Variants in FEM1C observed in about 807,000 individuals in gnomAD.
FEM1C encodes protein fem-1 homolog C.
FEM1C carries 15 observed loss-of-function variants against 37.6 expected under a neutral mutation model. That is an observed-to-expected ratio of 0.40 (90% CI 0.27 to 0.61). The LOEUF (loss-of-function observed/expected upper bound fraction) is 0.61, where lower values mean the gene tolerates loss of function less well. Ranked by LOEUF, FEM1C falls within the 20% of genes least tolerant of loss-of-function variation. FEM1C has a pLI of 0.42. For synonymous variants in FEM1C, 287 were observed against 272.8 expected, an observed-to-expected ratio of 1.05 and a Z score of -0.51; for missense variants, 532 against 749.7, an observed-to-expected ratio of 0.71 and a Z score of 3.39.
chr5:115,531,432 T>C (rs180829616), intron 2 of FEM1C, among the ~76,000 whole-genome samples: 8 of 152,104 alleles, frequency 5.3e-5, no homozygotes, highest in Non-Finnish European at 7.4e-5. Context: ...AAGTTTAATA[T>C]TGGATATTCA....
In FEM1C at chr5:115,522,546, A is replaced by G. The variant is rs1235589477; in HGVS notation, c.*1762T>C. The G allele has an allele frequency of 6.6e-6, 1 of 151,964 alleles. No individual in the cohort carries two copies. The highest frequency in any genetic ancestry group is 1.9e-4 in the East Asian group (1 of 5,190). The allele number at this position is 151,964 out of a possible 1,614,324, so 9.4% of individuals were successfully genotyped here. On this transcript the variant is annotated 3_prime_UTR_variant, in exon 3 of 3. Transcript: ENST00000274457. ...AAAATTAAATCTCAATTATTTAACC[A>G]AAAAGTCTAATGTTCTCTTGTTTAT...
At chr5:115,531,239 A>G (rs923327357) in intron 2 of FEM1C, among the ~76,000 whole-genome samples, 2 of 152,144 alleles carry the variant, frequency 1.3e-5, no homozygotes, top group African/African-American at 4.8e-5. Flanking sequence ...CAAACCTCAT[A>G]ATAGAACTTC....
At chr5:115,535,295 A>C (rs193259356) in intron 2 of FEM1C, among the ~76,000 whole-genome samples, 3 of 151,424 alleles carry the variant, frequency 2.0e-5, no homozygotes, top group East Asian at 3.9e-4. Flanking sequence ...AAAAAAAAAA[A>C]AAACAAACAC....
chr5:115,526,849 C>T (rs116137739), intron 2 of FEM1C, among the ~76,000 whole-genome samples: 1 of 151,984 alleles, frequency 6.6e-6, no homozygotes, highest in Admixed American at 6.6e-5. Flanking sequence ...CTCACTGTAC[C>T]TAAACTGTAT....
At chr5:115,526,147 C>G (rs1753886463) in intron 2 of FEM1C, among the ~76,000 whole-genome samples, 1 of 152,072 alleles carries the variant, frequency 6.6e-6, no homozygotes, top group South Asian at 2.1e-4. Context: ...AGGTGTGAGC[C>G]ACAATGCCTG....
chr5:115,529,290 A>G (rs1490437512), intron 2 of FEM1C, among the ~76,000 whole-genome samples: 1 of 152,102 alleles, frequency 6.6e-6, no homozygotes, highest in Non-Finnish European at 1.5e-5. Flanking sequence ...GAAAAATCTT[A>G]AAACAAGAGA....
chr5:115,524,623 T>C lies in FEM1C; in HGVS notation c.1539A>G (p.Ile513Met), dbSNP rs201100876. The change falls in exon 3 of 3, where the codon ATA becomes ATG. Residue 513 changes from isoleucine to methionine, a missense_variant. Physicochemically the swap from Ile to Met is conservative, Grantham distance 10 (BLOSUM62 1). Coordinates refer to ENST00000274457, the MANE Select transcript of FEM1C (RefSeq NM_020177.3). ...CKFPSLQVTA[I>M]LIECGADVNV... is the part of the protein sequence containing the mutation. The stretch of plus-strand genomic sequence containing the variant: ...TCACATCAGCACCACATTCTATCAG[T>C]ATTGCAGTAACTTGTAGAGATGGAA... 24 of 1,598,762 alleles carry C rather than the reference T, an allele frequency of 1.5e-5. No individual in the cohort carries two copies. Among genetic ancestry groups the C allele is most frequent in the Admixed American group, 7.0e-5 (4 of 57,534 alleles).
chr5:115,542,262 T>C (rs1347602271), intron 2 of FEM1C, among the ~76,000 whole-genome samples: 1 of 152,230 alleles, frequency 6.6e-6, no homozygotes, highest in Non-Finnish European at 1.5e-5. Flanking sequence ...GTGTTTACAC[T>C]GTTGCTAGCC....
chr5:115,541,092 A>T (rs1209760109), intron 2 of FEM1C, among the ~76,000 whole-genome samples: 1 of 152,142 alleles, frequency 6.6e-6, no homozygotes, highest in Admixed American at 6.5e-5. Context: ...TGTTTACAGA[A>T]ACATTTTTTA....
At chr5:115,528,997 C>T (rs915446884) in intron 2 of FEM1C, among the ~76,000 whole-genome samples, 1 of 151,802 alleles carries the variant, frequency 6.6e-6, no homozygotes, top group Non-Finnish European at 1.5e-5. Flanking sequence ...TGAAAATATA[C>T]AGAAAGAAGC....
At position 115,543,143 on chromosome 5, in the gene FEM1C, T is replaced by C. The variant is rs1279358709; in HGVS notation, c.351A>G (p.Ser117=). The C allele has an allele frequency of 4.3e-6, 7 of 1,614,076 alleles. No homozygotes were observed. In the Admixed American group the frequency reaches 1.2e-4, roughly 27 times the overall value. Residue 117 remains serine, a synonymous_variant, in exon 2 of 3, where the codon TCA becomes TCG. Transcript: ENST00000274457. ...ASVNNTTLTN[S]TPLRAACFDG... ...CGAAACACGCAGCTCGAAGAGGAGT[T>C]GAATTGGTTAAAGTCGTGTTGTTGA... is the stretch of plus-strand genomic sequence containing the variant.
Position 115,536,556 on chromosome 5 carries a change from G to A in FEM1C, c.544+6394C>T, listed in dbSNP as rs185322245. ...CTAACAGGTGTAGGTTGATGGAGGAGGTAAGAAGGGATAAAGGGAAAAAAA... is the reference window on the plus strand; with the variant it reads ...CTAACAGGTGTAGGTTGATGGAGGAAGTAAGAAGGGATAAAGGGAAAAAAA... On this transcript the variant is annotated intron_variant, in intron 2 of 2. Coordinates refer to ENST00000274457, the MANE Select transcript of FEM1C (RefSeq NM_020177.3). Among the ~76,000 whole-genome samples the A allele has an allele frequency of 8.0e-4, 122 of 151,820 alleles. 1 individual carries two copies. The highest frequency in any genetic ancestry group is 2.5e-3 in the African/African-American group (104 of 41,436).
intron 2 of FEM1C, among the ~76,000 whole-genome samples, chr5:115,528,375 A>G (rs1482012407): frequency 6.6e-6 from 1 of 152,134 alleles, no homozygotes; most frequent in Non-Finnish European, 1.5e-5. Flanking sequence ...TGAAACACTG[A>G]GCAGAACTAG....
At chr5:115,527,754 G>C (rs1392687952) in intron 2 of FEM1C, among the ~76,000 whole-genome samples, 2 of 152,086 alleles carry the variant, frequency 1.3e-5, no homozygotes, top group South Asian at 4.1e-4. Flanking sequence ...TGTAATCCCA[G>C]CACTTTGGGA....
chr5:115,524,338 CT>C lies in FEM1C; in HGVS notation c.1823del (p.Lys608SerfsTer2). On this transcript the variant is annotated frameshift_variant, in exon 3 of 3. Transcript: ENST00000274457. LOFTEE classifies it high-confidence loss of function. ...TATGAAGGGAAACAAAAGTCTCTAG[CT>C]TTTCTGGGATATGCCCTTTATAATA... Reference protein sequence around the residue: ...RIYYKGHIPEKLETFVSLHR With the variant: ...RIYYKGHIPEXLETFVSLHR The C allele has an allele frequency of 6.2e-7, 1 of 1,613,254 alleles. No individual in the cohort carries two copies. Among genetic ancestry groups the C allele is most frequent in the Non-Finnish European group, 8.5e-7 (1 of 1,179,544 alleles).
intron 2 of FEM1C, among the ~76,000 whole-genome samples, chr5:115,540,045 C>T (rs991492555): frequency 1.3e-5 from 2 of 152,028 alleles, no homozygotes; most frequent in Non-Finnish European, 2.9e-5. Flanking sequence ...CACAAAATGT[C>T]CTAAGGAATT....
chr5:115,539,131 C>T (rs1211130057), intron 2 of FEM1C, among the ~76,000 whole-genome samples: 3 of 152,016 alleles, frequency 2.0e-5, no homozygotes, highest in Non-Finnish European at 2.9e-5. Context: ...TATTTAATTA[C>T]TTTGGGTATC....
At chr5:115,542,166 C>G (rs968985809) in intron 2 of FEM1C, among the ~76,000 whole-genome samples, 3 of 152,102 alleles carry the variant, frequency 2.0e-5, no homozygotes, top group African/African-American at 7.2e-5. Flanking sequence ...TAAAAAAATT[C>G]TAAACTACTT....
intron 2 of FEM1C, among the ~76,000 whole-genome samples, chr5:115,538,631 C>T (rs1220164785): frequency 6.6e-6 from 1 of 151,946 alleles, no homozygotes; most frequent in Non-Finnish European, 1.5e-5. Context: ...AGCAAACAAA[C>T]AAACCACTCC....
Sources: gnomAD v4.1 joint callset for allele counts (sites outside exome capture counted in the v4.1 genomes callset) on GRCh38, gnomAD v4.1.1 for gene constraint, MANE v1.5 for transcripts, NCBI Gene and HGNC (gene_info 2026-07-23, HGNC 2026-07-21) for gene names.